SLC26A6: variants seen among roughly 807,000 people sequenced by gnomAD.
The protein encoded by SLC26A6 is anion exchange transporter.
Under a neutral mutation model 87.1 loss-of-function variants are expected in SLC26A6, and 67 were observed. The observed-to-expected ratio is 0.77, with a 90% CI of 0.63 to 0.94. The LOEUF (loss-of-function observed/expected upper bound fraction) is 0.94, where lower values mean the gene tolerates loss of function less well. Ranked by LOEUF, SLC26A6 falls within the 40% of genes least tolerant of loss-of-function variation. The pLI is 0.00. For missense variants in SLC26A6, 902 were observed against 973.0 expected (o/e 0.93, Z 0.97); for synonymous variants, 414 against 405.9 (o/e 1.02, Z -0.24).
intron 17 of SLC26A6, chr3:48,627,305 G>A: frequency 2.0e-6 from 1 of 508,628 alleles, no homozygotes; most frequent in South Asian, 2.4e-5. Context: ...ACAGGGACAC[G>A]AGAAGGGAGT....
Position 48,628,830 on chromosome 3 carries a change from C to T in SLC26A6, c.1600-116G>A, listed in dbSNP as rs1045363837. Reference sequence around the variant, plus strand: ...GCCTGCCACCGCCCAGCCCTCTGCTCCCCAGGCTGCAGTCCAGGCCCTCCC... The same window carrying T: ...GCCTGCCACCGCCCAGCCCTCTGCTTCCCAGGCTGCAGTCCAGGCCCTCCC... On this transcript the variant is annotated intron_variant, in intron 14 of 20. Transcript: ENST00000395550. This position sits in a 1 kb window ranked among gnomAD's most constrained non-coding sequence, Gnocchi z 4.4. 2.4e-6 allele frequency: 3 copies of T among 1,226,018 alleles called. 1 individual carries two copies. Among genetic ancestry groups the T allele is most frequent in the African/African-American group, 1.5e-5 (1 of 66,780 alleles). The allele number at this position is 1,226,018 out of a possible 1,614,324, so 75.9% of individuals were successfully genotyped here. A position where few individuals can be genotyped will look rare whatever the true frequency, so the allele number is the denominator to read the frequency against.
chr3:48,633,052 G>C lies in SLC26A6; in HGVS notation c.355C>G (p.Pro119Ala). Residue 119 changes from proline (P) to alanine (A), a missense_variant, in exon 4 of 21, where the codon CCC becomes GCC. This residue lies in a region of SLC26A6 where 800 missense variants were observed against 856.8 expected (regional missense o/e 0.93). Transcript: ENST00000395550. ...AAGGAGCTATAGAGGCCAAACACGGGGGGCAATCCAGCCAGGAGGGCGTAG... is the reference window on the plus strand; with the variant it reads ...AAGGAGCTATAGAGGCCAAACACGGCGGGCAATCCAGCCAGGAGGGCGTAG... ...LAYALLAGLP[P>A]VFGLYSSFYP... 1 of 1,613,544 alleles carries C rather than the reference G, an allele frequency of 6.2e-7. No individual in the cohort carries two copies. Among genetic ancestry groups the C allele is most frequent in the Non-Finnish European group, 8.5e-7 (1 of 1,179,882 alleles).
At chr3:48,631,410 T>A (rs1387550015) in intron 7 of SLC26A6, 104 bp from the exon 8 acceptor site, 6 of 1,333,988 alleles carry the variant, frequency 4.5e-6, no homozygotes, top group Non-Finnish European at 6.0e-6. Context: ...AAAACCTTCT[T>A]CGAGGGTGGG....
intron 7 of SLC26A6, 129 bp downstream of exon 7, chr3:48,631,520 C>G: frequency 3.2e-6 from 4 of 1,268,542 alleles, no homozygotes; most frequent in Non-Finnish European, 4.3e-6. Flanking sequence ...TCTGCTGTGC[C>G]CCCCACAATA....
chr3:48,632,060 G>A lies in SLC26A6; in HGVS notation c.586-16C>T. The stretch of plus-strand genomic sequence containing the variant: ...CCAGCCCCACCTGTGGGGCGGCCAG[G>A]GGCAGTCAGGAGAGGCAGGGGTCCT... On this transcript the variant is annotated splice_polypyrimidine_tract_variant and intron_variant, in intron 5 of 20. Transcript: ENST00000395550. 1 of 1,612,520 alleles carries A rather than the reference G, an allele frequency of 6.2e-7. No homozygotes were observed. Among genetic ancestry groups the A allele is most frequent in the Non-Finnish European group, 8.5e-7 (1 of 1,179,448 alleles).
At chr3:48,634,277 G>C (rs963955248) in intron 1 of SLC26A6, 1 of 152,992 alleles carries the variant, frequency 6.5e-6, no homozygotes, top group African/African-American at 2.4e-5. Context: ...CTCACCTAGA[G>C]GGAGAGGCTC....
At chr3:48,631,532 C>T in intron 7 of SLC26A6, 117 bp downstream of exon 7, 1 of 1,385,504 alleles carries the variant, frequency 7.2e-7, no homozygotes, top group Non-Finnish European at 9.7e-7. Flanking sequence ...CCCACAATAC[C>T]CAAGAACCCT....
rs781386612 is a variant in SLC26A6, at chr3:48,630,621, C to T, written c.1234G>A (p.Gly412Arg). The T allele has an allele frequency of 1.1e-5, 18 of 1,583,412 alleles. No individual in the cohort carries two copies. Among genetic ancestry groups the T allele is most frequent in the East Asian group, 4.6e-5 (2 of 43,348 alleles). ...CCAAAGCCCACCTGCGAGTTGCCCCCGGTGCTCTCCTGTACCAGGCTCCGA... is the reference window on the plus strand; with the variant it reads ...CCAAAGCCCACCTGCGAGTTGCCCCTGGTGCTCTCCTGTACCAGGCTCCGA... ...MSRSLVQESTGGNSQVAGAIS... is the reference protein window; with the variant it reads ...MSRSLVQESTRGNSQVAGAIS... Residue 412 changes from glycine (G) to arginine (R), a missense_variant, in exon 10 of 21, where the codon GGG (glycine) becomes AGG (arginine). Around this residue, in one of 3 missense-constraint regions of SLC26A6, gnomAD observed 800 missense variants for 856.8 expected, o/e 0.93. Transcript: ENST00000395550.
chr3:48,634,684 A>G (rs2046904631), intron 1 of SLC26A6: 2 of 981,780 alleles, frequency 2.0e-6, no homozygotes, highest in South Asian at 4.7e-5. Flanking sequence ...GATCTAGGAA[A>G]AGCCCTGACC....
chr3:48,630,726 G>C lies in SLC26A6; in HGVS notation c.1135-6C>G, dbSNP rs778145854. 6.3e-7 allele frequency: 1 copy of C among 1,592,156 alleles called. No individual in the cohort carries two copies. Among genetic ancestry groups the C allele is most frequent in the Non-Finnish European group, 8.6e-7 (1 of 1,168,248 alleles). On this transcript the variant is annotated splice_polypyrimidine_tract_variant and splice_region_variant and intron_variant, in intron 9 of 20. Transcript: ENST00000395550. Reference sequence around the variant, plus strand: ...AGGCCCAGGGCCACCAGCTCCTGACGGGGGACAGTACGGGTGTGAGAAGAC... The same window carrying C: ...AGGCCCAGGGCCACCAGCTCCTGACCGGGGACAGTACGGGTGTGAGAAGAC...
chr3:48,633,885 C>A, intron 1 of SLC26A6: 2 of 1,392,234 alleles, frequency 1.4e-6, no homozygotes, highest in East Asian at 5.5e-5. Context: ...GCAGGATGAG[C>A]ACTAGCTATA....
At position 48,626,562 on chromosome 3, in the gene SLC26A6, G is replaced by A. The variant is rs1436768057; in HGVS notation, c.2128+69C>T. The A allele has an allele frequency of 2.5e-6, 4 of 1,605,678 alleles. No individual in the cohort carries two copies. The East Asian group carries it at 6.7e-5, about 27-fold the overall frequency. ...GAAAGACTTTTTCCTTGTGCTACTTGGAAAACCCCTTGGCCAAAAGTATCC... is the reference window on the plus strand; with the variant it reads ...GAAAGACTTTTTCCTTGTGCTACTTAGAAAACCCCTTGGCCAAAAGTATCC... On this transcript the variant is annotated intron_variant, in intron 19 of 20. Coordinates refer to ENST00000395550, the MANE Select transcript of SLC26A6 (RefSeq NM_022911.3).
rs1355275903 is a variant in SLC26A6, at chr3:48,626,655, C to A, written c.2104G>T (p.Glu702Ter). Residue 702 changes from glutamate (E) to a stop codon, truncating the protein, a stop_gained, in exon 19 of 21, where the codon GAG becomes TAG. Coordinates refer to ENST00000395550, the MANE Select transcript of SLC26A6 (RefSeq NM_022911.3). LOFTEE classifies it high-confidence loss of function. Reference protein sequence around the residue: ...IFHDFREIEVEVYMAACHSPV... With the variant: ...IFHDFREIEV ...CTGTGGCAGGCCGCCATGTACACCT[C>A]CACCTCAATCTCCCGGAAGTCATGG... 1 of 1,614,208 alleles carries A rather than the reference C, an allele frequency of 6.2e-7. No individual in the cohort carries two copies. Among genetic ancestry groups the A allele is most frequent in the Non-Finnish European group, 8.5e-7 (1 of 1,180,050 alleles).
chr3:48,635,138 T>G (rs889237950), intron 1 of SLC26A6, among the ~76,000 whole-genome samples: 5 of 152,216 alleles, frequency 3.3e-5, no homozygotes, highest in Admixed American at 3.3e-4. Context: ...TGGCCCGGGA[T>G]GGCCCTCGGG....
At chr3:48,626,583 T>G (rs374231354) in intron 19 of SLC26A6, 48 bp downstream of exon 19, 3 of 1,612,214 alleles carry the variant, frequency 1.9e-6, no homozygotes, top group Non-Finnish European at 2.5e-6. Context: ...TGGCCAAAAG[T>G]ATCCTACCCT....
chr3:48,632,681 G>C (rs1461366716), intron 4 of SLC26A6: 1 of 688,504 alleles, frequency 1.5e-6, no homozygotes, highest in Admixed American at 2.0e-5. Context: ...GTGGAGTAGG[G>C]AAGGGGTCAG....
intron 4 of SLC26A6, 21 bp downstream of exon 4, chr3:48,632,953 G>T: frequency 6.2e-7 from 1 of 1,604,216 alleles, no homozygotes; most frequent in Non-Finnish European, 8.5e-7. Flanking sequence ...CTCCTGGAAG[G>T]CTAGGCCTGC....
Position 48,630,431 on chromosome 3 carries a change from G to A in SLC26A6, c.1326+7C>T, listed in dbSNP as rs1414441142. The A allele has an allele frequency of 6.4e-7, 1 of 1,554,352 alleles. No individual in the cohort carries two copies. On this transcript the variant is annotated splice_region_variant and intron_variant, in intron 11 of 20. Transcript: ENST00000395550. ...AAGACCTGAAACCTGGCTGGGTGGG[G>A]GCTCACCTTGGGCAGGTCATGGAAG... is the stretch of plus-strand genomic sequence containing the variant.
Position 48,630,441 on chromosome 3 carries a change from GGGCA to G in SLC26A6, c.1319_1322del (p.Leu440ProfsTer11). ...ACCTGGCTGGGTGGGGGCTCACCTT[GGGCA>G]GGTCATGGAAGAGTTCCCCAAGTTT... On this transcript the variant is annotated frameshift_variant, in exon 11 of 21. Coordinates refer to ENST00000395550, the MANE Select transcript of SLC26A6 (RefSeq NM_022911.3). LOFTEE classifies it high-confidence loss of function. The G allele has an allele frequency of 6.4e-7, 1 of 1,555,710 alleles. No homozygotes were observed. Among genetic ancestry groups the G allele is most frequent in the Non-Finnish European group, 8.7e-7 (1 of 1,149,308 alleles).
Sources: gnomAD v4.1 joint callset for allele counts (sites outside exome capture counted in the v4.1 genomes callset) on GRCh38, gnomAD v4.1.1 for gene constraint, gnomAD v4.1.1 regional missense constraint, Gnocchi (gnomAD v3.1) non-coding constraint, MANE v1.5 for transcripts, NCBI Gene and HGNC (gene_info 2026-07-23, HGNC 2026-07-21) for gene names.